Variants in ANO10 observed in about 807,000 individuals in gnomAD.
ANO10 encodes anoctamin-10.
A neutral mutation model predicts 74.7 loss-of-function variants in ANO10; 77 were observed. The observed-to-expected ratio is 1.03, with a 90% confidence interval of 0.86 to 1.25. The LOEUF (loss-of-function observed/expected upper bound fraction) is 1.25, where lower values mean the gene tolerates loss of function less well. Among genes scored for constraint, ANO10 ranks in the 50% most tolerant of loss-of-function variants. The pLI is 0.00. For missense variants in ANO10, 721 were observed against 778.1 expected, an observed-to-expected ratio of 0.93 and a Z score of 0.87; for synonymous variants, 279 against 284.9, an observed-to-expected ratio of 0.98 and a Z score of 0.21.
chr3:43,471,744 G>A (rs2075865270), intron 11 of ANO10, among the ~76,000 whole-genome samples: 1 of 152,136 alleles, frequency 6.6e-6, no homozygotes, highest in African/African-American at 2.4e-5. Flanking sequence ...CTGCACTCCA[G>A]CCTGAGTGAC....
chr3:43,591,742 G>C (rs1365244227), intron 4 of ANO10, among the ~76,000 whole-genome samples: 1 of 152,232 alleles, frequency 6.6e-6, no homozygotes, highest in Non-Finnish European at 1.5e-5. Context: ...GGGCTCGTTG[G>C]ACGGTGGGTG....
chr3:43,501,162 A>T (rs1472183355), intron 11 of ANO10, among the ~76,000 whole-genome samples: 1 of 151,864 alleles, frequency 6.6e-6, no homozygotes, highest in Non-Finnish European at 1.5e-5. Context: ...ATCTGGTGGG[A>T]GCCTCAGGCT....
intron 8 of ANO10, 23 bp downstream of exon 8, chr3:43,565,630 A>G (rs751185141): frequency 6.5e-7 from 1 of 1,543,006 alleles, no homozygotes; most frequent in South Asian, 1.2e-5. Flanking sequence ...AAAAATTGGT[A>G]TTTTTCTGTT....
At chr3:43,581,358 C>T (rs2149417017) in intron 4 of ANO10, among the ~76,000 whole-genome samples, 1 of 152,300 alleles carries the variant, frequency 6.6e-6, no homozygotes, top group South Asian at 2.1e-4. Flanking sequence ...GGTTTGAACA[C>T]TCATGCATAT....
chr3:43,576,753 G>A lies in ANO10; in HGVS notation c.1101C>T (p.Ala367=). 1 of 1,614,154 alleles carries A rather than the reference G, an allele frequency of 6.2e-7. No individual in the cohort carries two copies. The highest frequency in any genetic ancestry group is 8.5e-7 in the Non-Finnish European group (1 of 1,180,030). The stretch of plus-strand genomic sequence containing the variant: ...GACGATTCATGATCTCAATCACAAT[G>A]GCATAGATGATGCTGGGCACATACA... ...VLLYVPSIIY[A]IVIEIMNRLY... is the part of the protein sequence containing the mutation. The change falls in exon 6 of 13, where the codon GCC becomes GCT. Residue 367 remains alanine (A), a synonymous_variant. Transcript: ENST00000292246.
At chr3:43,547,755 G>T (rs367949338) in intron 11 of ANO10, among the ~76,000 whole-genome samples, 1 of 152,096 alleles carries the variant, frequency 6.6e-6, no homozygotes, top group Non-Finnish European at 1.5e-5. Context: ...TAAGTCTCCC[G>T]AATTAAGTAA....
chr3:43,671,381 G>A (rs1210942015), intron 1 of ANO10, among the ~76,000 whole-genome samples: 1 of 152,082 alleles, frequency 6.6e-6, no homozygotes, highest in South Asian at 2.1e-4. Context: ...AACTGCCGCC[G>A]CTGATAAGGA....
chr3:43,497,054 A>G (rs2076943573), intron 11 of ANO10, among the ~76,000 whole-genome samples: 1 of 152,158 alleles, frequency 6.6e-6, no homozygotes, highest in South Asian at 2.1e-4. Flanking sequence ...GCAATTGCAG[A>G]ATTTTCTTTG....
chr3:43,415,958 ATGT>A (rs1352665427), intron 12 of ANO10, among the ~76,000 whole-genome samples: 1 of 151,882 alleles, frequency 6.6e-6, no homozygotes, highest in East Asian at 1.9e-4. Context: ...ACCTAGACTG[ATGT>A]TGTTAAAGAT....
chr3:43,636,824 G>A (rs982340812), intron 1 of ANO10, among the ~76,000 whole-genome samples: 3 of 152,008 alleles, frequency 2.0e-5, no homozygotes, highest in African/African-American at 7.3e-5. Context: ...AAAATATATT[G>A]GGAGTCTCAA....
intron 12 of ANO10, among the ~76,000 whole-genome samples, chr3:43,412,318 T>C (rs953875731): frequency 6.6e-6 from 1 of 152,052 alleles, no homozygotes. Flanking sequence ...AGTGTTGATA[T>C]CAGAGGCAGA....
intron 1 of ANO10, among the ~76,000 whole-genome samples, chr3:43,638,195 A>T (rs2083633296): frequency 6.6e-6 from 1 of 152,240 alleles, no homozygotes; most frequent in Non-Finnish European, 1.5e-5. Flanking sequence ...CTCATTTGTA[A>T]GGATAACCTT....
intron 11 of ANO10, among the ~76,000 whole-genome samples, chr3:43,522,189 T>C (rs1205005335): frequency 6.6e-6 from 1 of 152,096 alleles, no homozygotes; most frequent in African/African-American, 2.4e-5. Flanking sequence ...AATTTCTGTT[T>C]GGGGTAATGA....
At position 43,598,777 on chromosome 3, in the gene ANO10, G is replaced by A. The variant is rs983696371; in HGVS notation, c.338-111C>T. ...AAACAATAAGCAATTAACATAAGAA[G>A]TAATCAAAGTATGAAGCTGGTAAAT... On this transcript the variant is annotated intron_variant, in intron 3 of 12. Transcript: ENST00000292246. 8.4e-6 allele frequency: 7 copies of A among 830,832 alleles called. No individual in the cohort carries two copies. In the Admixed American group the frequency reaches 2.0e-4, roughly 24 times the overall value. The allele number at this position is 830,832 out of a possible 1,614,324, so 51.5% of individuals were successfully genotyped here. A position where few individuals can be genotyped will look rare whatever the true frequency, so the allele number is the denominator to read the frequency against.
chr3:43,682,142 C>G (rs1416791176), intron 1 of ANO10, among the ~76,000 whole-genome samples: 2 of 151,976 alleles, frequency 1.3e-5, no homozygotes, highest in African/African-American at 4.8e-5. Flanking sequence ...AATCCAGGAG[C>G]TAGTTTTTTG....
At chr3:43,430,601 T>C (rs1200237219) in intron 12 of ANO10, among the ~76,000 whole-genome samples, 1 of 152,146 alleles carries the variant, frequency 6.6e-6, no homozygotes, top group Non-Finnish European at 1.5e-5. Context: ...CCCAGTTTTA[T>C]TTGGGCCCAT....
At chr3:43,525,301 C>A (rs1575340659) in intron 11 of ANO10, among the ~76,000 whole-genome samples, 1 of 152,258 alleles carries the variant, frequency 6.6e-6, no homozygotes, top group East Asian at 1.9e-4. Context: ...TCCACAGTCC[C>A]TCATCCCCAT....
chr3:43,586,918 T>C (rs1347183293), intron 4 of ANO10, among the ~76,000 whole-genome samples: 1 of 151,992 alleles, frequency 6.6e-6, no homozygotes. Context: ...CTAAGAAAAG[T>C]ATGTAAGAAC....
intron 1 of ANO10, among the ~76,000 whole-genome samples, chr3:43,637,096 G>A (rs749588179): frequency 6.6e-6 from 1 of 152,240 alleles, no homozygotes; most frequent in Non-Finnish European, 1.5e-5. Context: ...ATTGAGCCTG[G>A]GAGGTGGAAG....
Sources: allele counts gnomAD v4.1 joint callset (sites outside exome capture counted in the v4.1 genomes callset), GRCh38; gene constraint gnomAD v4.1.1; transcripts MANE v1.5; gene names NCBI Gene and HGNC (gene_info 2026-07-23, HGNC 2026-07-21).